ITGB2: variants seen among roughly 807,000 people sequenced by gnomAD.
The protein encoded by ITGB2 is integrin subunit beta 2, also known as integrin beta-2.
In ITGB2, 56 loss-of-function variants were observed where a neutral mutation model predicts 86.8. The observed-to-expected ratio is 0.65, with a 90% CI of 0.52 to 0.81. ITGB2 has a LOEUF of 0.81. Among genes scored for constraint, ITGB2 ranks in the 30% least tolerant of loss-of-function variants. The probability of loss-of-function intolerance (pLI) is 0.00; values close to 1 mark genes in which losing one functional copy is unlikely to be tolerated. For synonymous variants in ITGB2, 457 were observed against 450.4 expected (o/e 1.01, Z -0.19); for missense variants, 948 against 1,061.2 (o/e 0.89, Z 1.48).
Position 44,907,056 on chromosome 21 carries a change from C to T in ITGB2, c.187G>A (p.Asp63Asn), listed in dbSNP as rs758534687. 35 of 1,610,918 alleles carry T rather than the reference C, an allele frequency of 2.2e-5. No individual in the cohort carries two copies. Among genetic ancestry groups the T allele is most frequent in the Non-Finnish European group, 2.7e-5 (32 of 1,177,700 alleles). Residue 63 changes from aspartate to asparagine, a missense_variant, in exon 4 of 16, where the codon GAC becomes AAC. Coordinates refer to ENST00000652462, the MANE Select transcript of ITGB2 (RefSeq NM_000211.5). ...GPGDPDSIRCDTRPQLLMRGC... is the reference protein window; with the variant it reads ...GPGDPDSIRCNTRPQLLMRGC... ...CTCATGAGCAGCTGTGGCCGGGTGTCGCAGCGAATGGAGTCAGGATCCCCC... is the reference window on the plus strand; with the variant it reads ...CTCATGAGCAGCTGTGGCCGGGTGTTGCAGCGAATGGAGTCAGGATCCCCC...
At chr21:44,918,501 G>A (rs1054661434) in intron 1 of ITGB2, among the ~76,000 whole-genome samples, 1 of 152,206 alleles carries the variant, frequency 6.6e-6, no homozygotes, top group African/African-American at 2.4e-5. Flanking sequence ...CAATTGGCCA[G>A]ACCACCCCTC....
chr21:44,895,997 G>A (rs1220518719), intron 8 of ITGB2, among the ~76,000 whole-genome samples: 2 of 152,182 alleles, frequency 1.3e-5, no homozygotes, highest in Non-Finnish European at 2.9e-5. Context: ...CTGCCCGTGT[G>A]AGTCCTCCTG....
rs765412678 is a variant in ITGB2, at chr21:44,890,206, T to C, written c.1429A>G (p.Ile477Val). 2.5e-6 allele frequency: 4 copies of C among 1,612,978 alleles called. No homozygotes were observed. Among genetic ancestry groups the C allele is most frequent in the African/African-American group, 1.3e-5 (1 of 74,886 alleles). The change falls in exon 12 of 16, where the codon ATT becomes GTT. Residue 477 changes from isoleucine (I) to valine (V), a missense_variant. Coordinates refer to ENST00000652462, the MANE Select transcript of ITGB2 (RefSeq NM_000211.5). ...CGICRCDTGYIGKNCECQTQG... is the reference protein window; with the variant it reads ...CGICRCDTGYVGKNCECQTQG... ...GTCTGGCACTCACAGTTTTTCCCAA[T>C]GTAGCCAGTGTCACACCTGGGGACA...
At chr21:44,911,777 G>T (rs2084137475) in intron 1 of ITGB2, among the ~76,000 whole-genome samples, 1 of 152,196 alleles carries the variant, frequency 6.6e-6, no homozygotes, top group African/African-American at 2.4e-5. Context: ...ACGGAAGCAG[G>T]CCTCAGCCTG....
At chr21:44,911,008 C>G in intron 1 of ITGB2, 1 of 586,254 alleles carries the variant, frequency 1.7e-6, no homozygotes, top group Admixed American at 3.0e-5. Flanking sequence ...ACCTGCTCAG[C>G]CAGGCACCCA....
chr21:44,891,348 C>T (rs1003259701), intron 11 of ITGB2, among the ~76,000 whole-genome samples: 14 of 151,976 alleles, frequency 9.2e-5, no homozygotes, highest in African/African-American at 3.1e-4. Flanking sequence ...GCTCTCTAGC[C>T]ACCCATGCCC....
intron 3 of ITGB2, among the ~76,000 whole-genome samples, chr21:44,909,932 T>C (rs2084103287): frequency 2.0e-5 from 3 of 152,234 alleles, no homozygotes; most frequent in African/African-American, 7.2e-5. Context: ...GTGCTGGCGA[T>C]GCGGGGCCAG....
At chr21:44,900,033 C>T (rs987129336) in intron 7 of ITGB2, among the ~76,000 whole-genome samples, 10 of 149,334 alleles carry the variant, frequency 6.7e-5, no homozygotes, top group African/African-American at 2.6e-4. Context: ...TCCACAGCAG[C>T]TGTCAGCCCA....
chr21:44,925,422 GGGAA>G (rs71334040), upstream of ITGB2, among the ~76,000 whole-genome samples: 10,833 of 53,330 alleles, frequency 0.2, 907 homozygotes, highest in South Asian at 0.26. Flanking sequence ...GAGGGAGGGA[GGGAA>G]GGAAGGAAGG....
chr21:44,919,132 T>A (rs996039644), intron 1 of ITGB2, among the ~76,000 whole-genome samples: 1 of 152,142 alleles, frequency 6.6e-6, no homozygotes, highest in Non-Finnish European at 1.5e-5. Context: ...GTCACCTGCT[T>A]CACCGAGGGC....
chr21:44,919,020 G>GCTGA lies in ITGB2; in HGVS notation c.-4+1800_-4+1801insTCAG, dbSNP rs58007154. Among the ~76,000 whole-genome samples, 747 of 149,186 alleles carry GCTGA rather than the reference G, an allele frequency of 5.0e-3. 26 individuals carry two copies. Among genetic ancestry groups the GCTGA allele is most frequent in the Middle Eastern group, 0.032 (9 of 280 alleles). On this transcript the variant is annotated intron_variant, in intron 1 of 15. Transcript: ENST00000652462. The stretch of plus-strand genomic sequence containing the variant: ...GCATTCCCCTCTCCCAGCACTCGGA[G>GCTGA]GCACCTGCAGTTGCTCAGCTGTTCA...
chr21:44,899,406 C>T (rs936039397), intron 7 of ITGB2, among the ~76,000 whole-genome samples: 6 of 152,230 alleles, frequency 3.9e-5, no homozygotes, highest in South Asian at 2.1e-4. Context: ...GGCGTCTCAC[C>T]GTGGGACTGG....
At chr21:44,913,404 C>T (rs2084161045) in intron 1 of ITGB2, among the ~76,000 whole-genome samples, 1 of 152,154 alleles carries the variant, frequency 6.6e-6, no homozygotes, top group Non-Finnish European at 1.5e-5. Flanking sequence ...ACCCCGGGCA[C>T]TCCCACCTGC....
chr21:44,921,026 C>G (rs2084297182), upstream of ITGB2: 1 of 152,390 alleles, frequency 6.6e-6, no homozygotes, highest in Admixed American at 6.5e-5. Context: ...CGCTCTACAG[C>G]AGCTCTGATG....
In ITGB2 at chr21:44,907,025, C is replaced by T. The variant is rs1246985498; in HGVS notation, c.218G>A (p.Cys73Tyr). 6.2e-7 allele frequency: 1 copy of T among 1,613,968 alleles called. No homozygotes were observed. Among genetic ancestry groups the T allele is most frequent in the Non-Finnish European group, 8.5e-7 (1 of 1,179,964 alleles). The change falls in exon 4 of 16, where the codon TGT (cysteine) becomes TAT (tyrosine). Residue 73 changes from cysteine to tyrosine, a missense_variant. Physicochemically the swap from Cys to Tyr is radical, Grantham distance 194 (BLOSUM62 -2). Transcript: ENST00000652462. The stretch of plus-strand genomic sequence containing the variant: ...GGGGTCCATGATGTCGTCAGCCGCA[C>T]AGCCCCTCATGAGCAGCTGTGGCCG... ...DTRPQLLMRG[C>Y]AADDIMDPTS...
chr21:44,916,350 A>G (rs537815454), intron 1 of ITGB2, among the ~76,000 whole-genome samples: 1 of 152,174 alleles, frequency 6.6e-6, no homozygotes, highest in Non-Finnish European at 1.5e-5. Context: ...GTCAAAGGGA[A>G]ATCAAATGAT....
intron 5 of ITGB2, 176 bp from the exon 6 acceptor site, chr21:44,901,909 G>T: frequency 1.5e-6 from 1 of 677,936 alleles, no homozygotes; most frequent in Non-Finnish European, 2.5e-6. Context: ...GCACACATGT[G>T]AACGTATGTG....
At chr21:44,894,670 C>G in intron 9 of ITGB2, 1 of 435,834 alleles carries the variant, frequency 2.3e-6, no homozygotes, top group South Asian at 2.1e-5. Flanking sequence ...GCCACCAGAG[C>G]TGTCCACCTC....
intron 10 of ITGB2, 149 bp downstream of exon 10, chr21:44,893,255 C>T (rs2083816488): frequency 3.4e-6 from 3 of 884,904 alleles, no homozygotes; most frequent in Admixed American, 2.0e-5. Flanking sequence ...CCCCTCCCTG[C>T]CCCCGTCAGA....
Sources: gnomAD v4.1 joint callset for allele counts (sites outside exome capture counted in the v4.1 genomes callset) on GRCh38, gnomAD v4.1.1 for gene constraint, MANE v1.5 for transcripts, NCBI Gene and HGNC (gene_info 2026-07-23, HGNC 2026-07-21) for gene names.